ZBTB45: variants seen among roughly 807,000 people sequenced by gnomAD.
ZBTB45 encodes zinc finger and BTB domain containing 45, also known as zinc finger and BTB domain-containing protein 45.
ZBTB45 carries 22 observed loss-of-function variants against 28.4 expected under a neutral mutation model. The ratio of observed to expected loss-of-function variants is 0.77; its 90% CI spans 0.55 to 1.10. The LOEUF (loss-of-function observed/expected upper bound fraction) is 1.10. Ranked by LOEUF, ZBTB45 falls within the 50% of genes least tolerant of loss-of-function variation. The pLI is 0.00. For synonymous variants in ZBTB45, 361 were observed against 332.3 expected, an observed-to-expected ratio of 1.09 and a Z score of -0.94; for missense variants, 656 against 750.2, an observed-to-expected ratio of 0.87 and a Z score of 1.47.
At chr19:58,538,498 C>T (rs959108365) in intron 1 of ZBTB45, among the ~76,000 whole-genome samples, 4 of 152,094 alleles carry the variant, frequency 2.6e-5, no homozygotes, top group African/African-American at 9.7e-5. Context: ...GGGCCCAGAT[C>T]TGGGGGGCCG....
intron 1 of ZBTB45, among the ~76,000 whole-genome samples, chr19:58,530,558 G>A (rs1043167719): frequency 1.3e-5 from 2 of 151,920 alleles, no homozygotes; most frequent in African/African-American, 2.4e-5. Context: ...TGCCCGCCTC[G>A]GCCTCCCAAA....
At chr19:58,531,561 G>A (rs1181699085) in intron 1 of ZBTB45, among the ~76,000 whole-genome samples, 2 of 152,146 alleles carry the variant, frequency 1.3e-5, no homozygotes, top group East Asian at 3.8e-4. Flanking sequence ...ATTATCAGTG[G>A]GCATTCTTTG....
intron 1 of ZBTB45, among the ~76,000 whole-genome samples, chr19:58,528,041 C>T (rs1221722976): frequency 6.6e-6 from 1 of 152,182 alleles, no homozygotes; most frequent in African/African-American, 2.4e-5. Context: ...TCCCTGGGGC[C>T]TGAAAGCTTC....
At chr19:58,535,142 A>T (rs572646478) in intron 1 of ZBTB45, among the ~76,000 whole-genome samples, 452 of 151,622 alleles carry the variant, frequency 3.0e-3, no homozygotes, top group Non-Finnish European at 5.1e-3. Flanking sequence ...AAGTGTTGGG[A>T]TTACAGGTGT....
At chr19:58,538,438 A>G (rs1568654140) in intron 1 of ZBTB45, among the ~76,000 whole-genome samples, 1 of 151,960 alleles carries the variant, frequency 6.6e-6, no homozygotes, top group Non-Finnish European at 1.5e-5. Flanking sequence ...GCGTGGCCCT[A>G]TGAAGGGGCA....
rs906498640 is a variant in ZBTB45 at position 58,514,171 on chromosome 19, C to A, written c.1419G>T (p.Ser473=). ...GGTGAGTGCGCATGTGCACGTTGAG[C>A]GAGCTCTTCTGCGTGAAGCGCTTGG... ...VCAKRFTQKS[S]LNVHMRTHRP... is the part of the protein sequence containing the mutation. The change falls in exon 3 of 3, where the codon TCG becomes TCT. Residue 473 remains serine, a synonymous_variant. Transcript: ENST00000594051. The A allele has an allele frequency of 3.7e-6, 6 of 1,611,710 alleles. No homozygotes were observed. The highest frequency in any genetic ancestry group is 4.2e-6 in the Non-Finnish European group (5 of 1,179,438).
intron 1 of ZBTB45, among the ~76,000 whole-genome samples, chr19:58,530,412 A>G (rs933858405): frequency 6.6e-6 from 1 of 151,914 alleles, no homozygotes; most frequent in African/African-American, 2.4e-5. Flanking sequence ...AGTTCAAGCG[A>G]TTCTCCTGCC....
At chr19:58,530,625 A>T (rs1357651620) in intron 1 of ZBTB45, among the ~76,000 whole-genome samples, 1 of 151,102 alleles carries the variant, frequency 6.6e-6, no homozygotes, top group African/African-American at 2.4e-5. Flanking sequence ...GTTATTATGA[A>T]TAGTGCTGCT....
chr19:58,516,926 C>A lies in ZBTB45; in HGVS notation c.748G>T (p.Asp250Tyr), dbSNP rs929382887. Residue 250 changes from aspartate to tyrosine, a missense_variant, in exon 2 of 3, where the codon GAC becomes TAC. Physicochemically the swap from Asp to Tyr is radical, Grantham distance 160 (BLOSUM62 -3). This residue lies in a region of ZBTB45 where 448 missense variants were observed against 444.3 expected (regional missense o/e 1.01). Coordinates refer to ENST00000594051, the MANE Select transcript of ZBTB45 (RefSeq NM_001316979.2). The surrounding 1 kb of genome is among the most constrained non-coding windows in gnomAD (Gnocchi z 6.2). Reference protein sequence around the residue: ...CAAGFLTAAADSACEEPPAPT... With the variant: ...CAAGFLTAAAYSACEEPPAPT... ...GCAGGGGGCTCCTCGCACGCGCTGT[C>A]AGCAGCAGCAGTGAGGAAGCCAGCA... is the stretch of plus-strand genomic sequence containing the variant. 6.2e-7 allele frequency: 1 copy of A among 1,613,130 alleles called. No individual in the cohort carries two copies. The highest frequency in any genetic ancestry group is 1.7e-5 in the Admixed American group (1 of 60,020).
intron 1 of ZBTB45, among the ~76,000 whole-genome samples, chr19:58,529,973 C>T (rs111896729): frequency 0.01 from 1,596 of 152,228 alleles, 29 homozygotes; most frequent in African/African-American, 0.036. Context: ...GAAGCCAAGG[C>T]AGGTGGATCA....
Position 58,517,199 on chromosome 19 carries a change from C to T in ZBTB45, c.475G>A (p.Ala159Thr). 6.2e-7 allele frequency: 1 copy of T among 1,604,814 alleles called. No homozygotes were observed. Among genetic ancestry groups the T allele is most frequent in the Non-Finnish European group, 8.5e-7 (1 of 1,176,196 alleles). Reference protein sequence around the residue: ...LRHRLRHLLAARPPGHPGAAH... With the variant: ...LRHRLRHLLATRPPGHPGAAH... ...GCACCGGGGTGCCCCGGGGGACGTG[C>T]AGCCAGCAGGTGGCGCAGGCGGTGA... is the stretch of plus-strand genomic sequence containing the variant. Residue 159 changes from alanine (A) to threonine (T), a missense_variant, in exon 2 of 3, where the codon GCA becomes ACA. Physicochemically the swap from Ala to Thr is moderately conservative, Grantham distance 58. Coordinates refer to ENST00000594051, the MANE Select transcript of ZBTB45 (RefSeq NM_001316979.2).
upstream of ZBTB45, among the ~76,000 whole-genome samples, chr19:58,522,458 G>A (rs1186250489): frequency 3.3e-5 from 5 of 151,888 alleles, no homozygotes; most frequent in African/African-American, 7.3e-5. Context: ...CACTGTGCCC[G>A]GCCTGTCCCT....
intron 1 of ZBTB45, 22 bp from the exon 2 acceptor site, chr19:58,517,695 C>A: frequency 6.3e-7 from 1 of 1,599,768 alleles, no homozygotes; most frequent in Non-Finnish European, 8.5e-7. Context: ...AAGAGGAGGG[C>A]AGGGAGAGGT....
chr19:58,516,478 T>G lies in ZBTB45; in HGVS notation c.1196A>C (p.Glu399Ala). The change falls in exon 2 of 3, where the codon GAG becomes GCG. Residue 399 changes from glutamate to alanine, a missense_variant. By Grantham distance (107) the Glu-to-Ala change is moderately radical. Coordinates refer to ENST00000594051, the MANE Select transcript of ZBTB45 (RefSeq NM_001316979.2). This position sits in a 1 kb window ranked among gnomAD's most constrained non-coding sequence, Gnocchi z 6.2. ...SGTPARTPGA[E>A]PPTYECSHCR... is the part of the protein sequence containing the mutation. ...GTGGCTGCACTCATACGTAGGTGGC[T>G]CAGCACCTGGGGTGCGAGCAGGGGT... 1 of 1,613,832 alleles carries G rather than the reference T, an allele frequency of 6.2e-7. No individual in the cohort carries two copies. Among genetic ancestry groups the G allele is most frequent in the Non-Finnish European group, 8.5e-7 (1 of 1,179,852 alleles).
At chr19:58,536,600 G>A (rs1031917283) in intron 1 of ZBTB45, among the ~76,000 whole-genome samples, 3 of 152,026 alleles carry the variant, frequency 2.0e-5, no homozygotes, top group Non-Finnish European at 2.9e-5. Flanking sequence ...CCAAGATTGC[G>A]CCACTGCACT....
At chr19:58,514,430 A>C in intron 2 of ZBTB45, 120 bp from the exon 3 acceptor site, 11 of 1,194,440 alleles carry the variant, frequency 9.2e-6, no homozygotes, top group Non-Finnish European at 1.2e-5. Context: ...CTCCCGAACC[A>C]CCACCCCGGG....
intron 1 of ZBTB45, among the ~76,000 whole-genome samples, chr19:58,536,174 T>A (rs2053659134): frequency 6.6e-6 from 1 of 151,712 alleles, no homozygotes; most frequent in African/African-American, 2.4e-5. Context: ...CTACTAAGAA[T>A]ACAAAAATTG....
chr19:58,536,732 T>G (rs2053662429), intron 1 of ZBTB45, among the ~76,000 whole-genome samples: 1 of 151,666 alleles, frequency 6.6e-6, no homozygotes, highest in African/African-American at 2.4e-5. Context: ...CACCTGAGGG[T>G]GGGAAGGAGA....
chr19:58,528,660 C>T (rs1600068865), intron 1 of ZBTB45, among the ~76,000 whole-genome samples: 2 of 151,370 alleles, frequency 1.3e-5, no homozygotes, highest in East Asian at 1.9e-4. Flanking sequence ...TTTGGGAGGC[C>T]GAGGTGGGCG....
Sources: gnomAD v4.1 joint callset for allele counts (sites outside exome capture counted in the v4.1 genomes callset) on GRCh38, gnomAD v4.1.1 for gene constraint, gnomAD v4.1.1 regional missense constraint, Gnocchi (gnomAD v3.1) non-coding constraint, MANE v1.5 for transcripts, NCBI Gene and HGNC (gene_info 2026-07-23, HGNC 2026-07-21) for gene names.